The following BLTP3B variants were observed in gnomAD, a reference collection of about 807,000 sequenced individuals.
The protein encoded by BLTP3B is bridge-like lipid transfer protein family member 3B, also known as UHRF1 (ICBP90) binding protein 1-like.
chr12:100,058,186 G>C, the BLTP3B span: 1 of 1,613,216 alleles, frequency 6.2e-7, no homozygotes, highest in Non-Finnish European at 8.5e-7. Context: ...GTACTTGAAA[G>C]TATGTTTTGA....
the BLTP3B span, among the ~76,000 whole-genome samples, chr12:100,078,550 A>C: frequency 8.5e-5 from 13 of 152,300 alleles, no homozygotes; most frequent in East Asian, 2.5e-3. Context: ...AGTTGCGTTA[A>C]GAGGGTGGGG....
chr12:100,083,458 GTGATT>G, the BLTP3B span, among the ~76,000 whole-genome samples: 2 of 152,244 alleles, frequency 1.3e-5, no homozygotes, highest in Admixed American at 6.5e-5. Context: ...CAGACAATGG[GTGATT>G]AGTGAATACA....
the BLTP3B span, among the ~76,000 whole-genome samples, chr12:100,123,623 G>A: frequency 3.9e-5 from 6 of 152,176 alleles, no homozygotes; most frequent in Admixed American, 3.9e-4. Context: ...TTGCAAGTCT[G>A]GGCCTCCAGA....
the BLTP3B span, among the ~76,000 whole-genome samples, chr12:100,085,027 T>C: frequency 6.6e-6 from 1 of 152,194 alleles, no homozygotes; most frequent in Non-Finnish European, 1.5e-5. Flanking sequence ...TCTTCAAAGA[T>C]GTGTTATCAA....
the BLTP3B span, among the ~76,000 whole-genome samples, chr12:100,072,151 A>G: frequency 6.6e-6 from 1 of 152,122 alleles, no homozygotes; most frequent in South Asian, 2.1e-4. Flanking sequence ...AATCCCAGCT[A>G]CTCAGGAGGC....
At chr12:100,075,229 C>G in the BLTP3B span, among the ~76,000 whole-genome samples, 2 of 152,222 alleles carry the variant, frequency 1.3e-5, no homozygotes, top group East Asian at 3.9e-4. Context: ...CCAGGCTGGT[C>G]TCGAACTCCT....
chr12:100,097,628 T>C, the BLTP3B span: 2 of 1,083,320 alleles, frequency 1.8e-6, no homozygotes, highest in East Asian at 2.6e-5. Flanking sequence ...TTTAGATATA[T>C]TCACCATGTT....
the BLTP3B span, among the ~76,000 whole-genome samples, chr12:100,045,022 C>A: frequency 6.6e-6 from 1 of 152,058 alleles, no homozygotes; most frequent in African/African-American, 2.4e-5. Flanking sequence ...GAATAAAATA[C>A]CTAGGAATCC....
At chr12:100,104,209 T>TC in the BLTP3B span, among the ~76,000 whole-genome samples, 15 of 148,826 alleles carry the variant, frequency 1.0e-4, no homozygotes, top group African/African-American at 3.4e-4. Context: ...TTTTTCTTTT[T>TC]TTTTTTTTTT....
At chr12:100,086,637 G>T in the BLTP3B span, among the ~76,000 whole-genome samples, 1 of 152,130 alleles carries the variant, frequency 6.6e-6, no homozygotes, top group Admixed American at 6.6e-5. Context: ...CTTTTATATT[G>T]ACAAGGCCTC....
the BLTP3B span, among the ~76,000 whole-genome samples, chr12:100,066,073 T>C: frequency 1.4e-3 from 215 of 152,258 alleles, no homozygotes; most frequent in African/African-American, 4.8e-3. Flanking sequence ...AGAACCTACA[T>C]TGAAATACTG....
chr12:100,111,277 ATTTTTTTTT>A, the BLTP3B span, among the ~76,000 whole-genome samples: 8,739 of 94,890 alleles, frequency 0.092, 208 homozygotes, highest in South Asian at 0.14. Flanking sequence ...GGGGTTTTAG[ATTTTTTTTT>A]TTTTTTTTTT....
chr12:100,096,169 T>C, the BLTP3B span, among the ~76,000 whole-genome samples: 3 of 151,770 alleles, frequency 2.0e-5, no homozygotes, highest in African/African-American at 4.8e-5. Flanking sequence ...GCAGGAGAAT[T>C]GCTTGGCCCA....
chr12:100,122,857 C>G, the BLTP3B span, among the ~76,000 whole-genome samples: 6 of 152,140 alleles, frequency 3.9e-5, no homozygotes, highest in Admixed American at 3.9e-4. Flanking sequence ...GCCTTCTCTC[C>G]GTCTGTTCCT....
the BLTP3B span, chr12:100,084,378 TCACACACACACACA>T: frequency 0.066 from 43,807 of 664,134 alleles, 1,333 homozygotes; most frequent in African/African-American, 0.17. Context: ...AATACTATGA[TCACACACACACACA>T]CACACACACA....
the BLTP3B span, among the ~76,000 whole-genome samples, chr12:100,080,564 T>C: frequency 2.6e-5 from 4 of 152,350 alleles, no homozygotes; most frequent in South Asian, 2.1e-4. Context: ...ATGGGGCCTG[T>C]AGCCCCTTTG....
chr12:100,059,285 T>C, the BLTP3B span: 16 of 1,614,094 alleles, frequency 9.9e-6, no homozygotes, highest in Non-Finnish European at 1.4e-5. Flanking sequence ...TTTTGGTATC[T>C]TGTTCATGAG....
chr12:100,047,588 A>C, the BLTP3B span: 6,357 of 1,613,632 alleles, frequency 3.9e-3, 217 homozygotes, highest in African/African-American at 0.072. Context: ...CAATATGTAC[A>C]GTTACAGGAG....
the BLTP3B span, among the ~76,000 whole-genome samples, chr12:100,119,751 C>CA: frequency 4.0e-5 from 6 of 151,722 alleles, no homozygotes; most frequent in Non-Finnish European, 5.9e-5. Flanking sequence ...AAACAAAAAA[C>CA]AAAAAAATCC....
Sources: gnomAD v4.1 joint callset for allele counts (sites outside exome capture counted in the v4.1 genomes callset) on GRCh38, gnomAD v4.1.1 for gene constraint, MANE v1.5 for transcripts, NCBI Gene and HGNC (gene_info 2026-07-23, HGNC 2026-07-21) for gene names.